The following WWOX variants were observed in gnomAD, a reference collection of about 807,000 sequenced individuals.
The protein encoded by WWOX is WW domain-containing oxidoreductase.
A neutral mutation model predicts 46.2 loss-of-function variants in WWOX; 69 were observed. The ratio of observed to expected loss-of-function variants is 1.49; its 90% CI spans 1.23 to 1.82. The LOEUF (loss-of-function observed/expected upper bound fraction) is 1.82, where lower values mean the gene tolerates loss of function less well. Ranked by LOEUF, WWOX falls within the 40% of genes most tolerant of loss-of-function variation. WWOX has a pLI of 0.00. For missense variants in WWOX, 919 were observed against 542.6 expected, an observed-to-expected ratio of 1.69 and a Z score of -6.89; for synonymous variants, 359 against 202.6, an observed-to-expected ratio of 1.77 and a Z score of -6.56.
At chr16:78,770,803 C>T (rs1451600703) in intron 8 of WWOX, among the ~76,000 whole-genome samples, 1 of 151,234 alleles carries the variant, frequency 6.6e-6, no homozygotes, top group Admixed American at 6.6e-5. Context: ...GGAAACTCTT[C>T]TTTCCTCCCA....
At chr16:78,233,000 C>T (rs1162740327) in intron 5 of WWOX, among the ~76,000 whole-genome samples, 1 of 152,152 alleles carries the variant, frequency 6.6e-6, no homozygotes, top group Non-Finnish European at 1.5e-5. Flanking sequence ...CGCCACCATG[C>T]CCAGCTAATT....
chr16:78,536,068 T>G (rs772387379), intron 8 of WWOX, among the ~76,000 whole-genome samples: 2 of 152,184 alleles, frequency 1.3e-5, no homozygotes, highest in Non-Finnish European at 2.9e-5. Flanking sequence ...AGCTAGTGTT[T>G]ATAAATTGCT....
intron 8 of WWOX, among the ~76,000 whole-genome samples, chr16:78,952,099 C>G (rs2046072288): frequency 6.6e-6 from 1 of 152,206 alleles, no homozygotes; most frequent in East Asian, 1.9e-4. Flanking sequence ...GACCTAGCCC[C>G]CGTGTACCTT....
intron 8 of WWOX, among the ~76,000 whole-genome samples, chr16:78,666,879 T>G (rs1019248399): frequency 6.6e-6 from 1 of 152,202 alleles, no homozygotes; most frequent in African/African-American, 2.4e-5. Context: ...GGCTCCATAC[T>G]AAATTCAGAC....
At chr16:79,157,036 C>G (rs922930479) in intron 8 of WWOX, among the ~76,000 whole-genome samples, 3 of 152,120 alleles carry the variant, frequency 2.0e-5, no homozygotes, top group Non-Finnish European at 4.4e-5. Context: ...GTAAAATGGC[C>G]CTGGCCATTC....
intron 4 of WWOX, among the ~76,000 whole-genome samples, chr16:78,151,927 A>G (rs2034422406): frequency 6.6e-6 from 1 of 152,142 alleles, no homozygotes; most frequent in Non-Finnish European, 1.5e-5. Flanking sequence ...GCGGTGGCTC[A>G]CGCCTGTAAT....
At chr16:78,679,433 C>T (rs1029304866) in intron 8 of WWOX, among the ~76,000 whole-genome samples, 2 of 152,132 alleles carry the variant, frequency 1.3e-5, no homozygotes, top group East Asian at 1.9e-4. Flanking sequence ...GGCCTGTAAT[C>T]CCAGCTACTT....
chr16:78,772,089 T>C (rs571118534), intron 8 of WWOX, among the ~76,000 whole-genome samples: 5 of 152,296 alleles, frequency 3.3e-5, no homozygotes, highest in Non-Finnish European at 7.4e-5. Flanking sequence ...AGGTTTGTTA[T>C]ATAGGTAACT....
intron 4 of WWOX, among the ~76,000 whole-genome samples, chr16:78,126,933 A>G (rs2033386956): frequency 6.6e-6 from 1 of 152,286 alleles, no homozygotes; most frequent in East Asian, 1.9e-4. Flanking sequence ...GAGCTTTTCT[A>G]TGCATTCTCT....
chr16:79,096,730 G>A (rs1050434096), intron 8 of WWOX, among the ~76,000 whole-genome samples: 3 of 152,086 alleles, frequency 2.0e-5, no homozygotes, highest in African/African-American at 7.2e-5. Flanking sequence ...GCTCCAACAG[G>A]GCAGGTATTT....
intron 8 of WWOX, among the ~76,000 whole-genome samples, chr16:78,445,371 C>T (rs1013840373): frequency 6.6e-6 from 1 of 152,166 alleles, no homozygotes; most frequent in Non-Finnish European, 1.5e-5. Context: ...TGCATGCATT[C>T]ATTCATTCAA....
At chr16:78,217,298 G>A (rs1018645591) in intron 5 of WWOX, among the ~76,000 whole-genome samples, 18 of 152,158 alleles carry the variant, frequency 1.2e-4, no homozygotes, top group African/African-American at 4.3e-4. Flanking sequence ...TAGCACCACT[G>A]GCCAAAGCGA....
intron 8 of WWOX, among the ~76,000 whole-genome samples, chr16:78,645,977 C>A (rs890007752): frequency 6.6e-6 from 1 of 152,142 alleles, no homozygotes; most frequent in Non-Finnish European, 1.5e-5. Context: ...CCTGGCTCTG[C>A]TCCTTCTCTC....
At chr16:78,877,640 A>G (rs550601991) in intron 8 of WWOX, among the ~76,000 whole-genome samples, 3 of 152,348 alleles carry the variant, frequency 2.0e-5, no homozygotes, top group South Asian at 2.1e-4. Flanking sequence ...ATAGACATAC[A>G]TGAGTTTTGT....
intron 8 of WWOX, among the ~76,000 whole-genome samples, chr16:78,955,133 C>A (rs1421252583): frequency 6.6e-6 from 1 of 152,010 alleles, no homozygotes; most frequent in Non-Finnish European, 1.5e-5. Flanking sequence ...GAATTTTGGC[C>A]CACAGGAAAA....
intron 8 of WWOX, among the ~76,000 whole-genome samples, chr16:78,797,414 G>A (rs530440510): frequency 1.1e-4 from 17 of 148,552 alleles, no homozygotes; most frequent in Non-Finnish European, 2.1e-4. Context: ...GCCCCGACAG[G>A]TACGAGCTTG....
chr16:79,206,913 G>A (rs2051531554), intron 8 of WWOX, among the ~76,000 whole-genome samples: 1 of 152,172 alleles, frequency 6.6e-6, no homozygotes, highest in Non-Finnish European at 1.5e-5. Flanking sequence ...ATAGTGAGTA[G>A]GGAACAAGTG....
intron 5 of WWOX, among the ~76,000 whole-genome samples, chr16:78,311,485 G>T (rs2080242804): frequency 1.3e-5 from 2 of 152,216 alleles, no homozygotes; most frequent in Admixed American, 1.3e-4. Flanking sequence ...TTCCTCTGCA[G>T]TTGTTGGGCT....
At chr16:78,748,214 C>G (rs1359129095) in intron 8 of WWOX, among the ~76,000 whole-genome samples, 1 of 152,188 alleles carries the variant, frequency 6.6e-6, no homozygotes, top group Non-Finnish European at 1.5e-5. Flanking sequence ...GCAGTGTCCA[C>G]TCAATACATA....
Sources: gnomAD v4.1 joint callset for allele counts (sites outside exome capture counted in the v4.1 genomes callset) on GRCh38, gnomAD v4.1.1 for gene constraint, MANE v1.5 for transcripts, NCBI Gene and HGNC (gene_info 2026-07-23, HGNC 2026-07-21) for gene names.